Variants in BCAP29 observed in about 807,000 individuals in gnomAD.
BCAP29 encodes B cell receptor associated protein 29.
BCAP29 carries 34 observed loss-of-function variants against 31.8 expected under a neutral mutation model. The observed-to-expected ratio is 1.07, with a 90% confidence interval of 0.81 to 1.42. The LOEUF is 1.42. Ranked by LOEUF, BCAP29 falls within the 40% of genes most tolerant of loss-of-function variation. The pLI is 0.00. For missense variants in BCAP29, 314 were observed against 269.2 expected, an observed-to-expected ratio of 1.17 and a Z score of -1.16; for synonymous variants, 104 against 91.3, an observed-to-expected ratio of 1.14 and a Z score of -0.79.
At chr7:107,603,527 A>G (rs1375536067) in intron 6 of BCAP29, 3 of 151,486 alleles carry the variant, frequency 2.0e-5, no homozygotes, top group Non-Finnish European at 4.4e-5. Flanking sequence ...GAAAACAGTA[A>G]TTGGGGGAAA....
At chr7:107,602,537 T>A (rs1811345383) in intron 6 of BCAP29, among the ~76,000 whole-genome samples, 1 of 152,130 alleles carries the variant, frequency 6.6e-6, no homozygotes, top group South Asian at 2.1e-4. Context: ...GATCTTACAT[T>A]TGAAAATTGA....
chr7:107,590,776 A>G (rs900774132), intron 3 of BCAP29, among the ~76,000 whole-genome samples: 3 of 151,586 alleles, frequency 2.0e-5, no homozygotes, highest in Admixed American at 1.3e-4. Context: ...ACGTGATCAC[A>G]TCACTGCACT....
intron 6 of BCAP29, among the ~76,000 whole-genome samples, chr7:107,608,833 A>G (rs921488486): frequency 3.3e-5 from 5 of 152,230 alleles, no homozygotes; most frequent in Non-Finnish European, 7.3e-5. Flanking sequence ...TTCCAAGTGA[A>G]CTGTTTACAC....
chr7:107,606,153 T>C (rs918495736), intron 6 of BCAP29, among the ~76,000 whole-genome samples: 1 of 152,222 alleles, frequency 6.6e-6, no homozygotes, highest in African/African-American at 2.4e-5. Flanking sequence ...CCCTAAATAT[T>C]AGAAGCTGTT....
chr7:107,608,791 A>G (rs574678713), intron 6 of BCAP29, among the ~76,000 whole-genome samples: 1 of 152,338 alleles, frequency 6.6e-6, no homozygotes, highest in Admixed American at 6.5e-5. Context: ...GACTAAAGTA[A>G]CACTTTGTAT....
At chr7:107,600,375 C>T in intron 5 of BCAP29, 22 bp from the exon 6 acceptor site, 1 of 1,421,712 alleles carries the variant, frequency 7.0e-7, no homozygotes, top group Admixed American at 1.7e-5. Flanking sequence ...CTTATTTCTT[C>T]CTGTATCTCC....
chr7:107,618,099 T>C (rs1257886321), intron 7 of BCAP29, among the ~76,000 whole-genome samples: 2 of 152,104 alleles, frequency 1.3e-5, no homozygotes, highest in Non-Finnish European at 2.9e-5. Context: ...AAAAGCAAAA[T>C]AGATTAAGGC....
chr7:107,605,536 C>T (rs1811932434), intron 6 of BCAP29, among the ~76,000 whole-genome samples: 1 of 152,064 alleles, frequency 6.6e-6, no homozygotes, highest in Non-Finnish European at 1.5e-5. Flanking sequence ...TGTTGATGGA[C>T]ATAGAATGGC....
chr7:107,622,797 G>A (rs1056599132), downstream of BCAP29: 3 of 152,186 alleles, frequency 2.0e-5, no homozygotes, highest in African/African-American at 4.8e-5. Flanking sequence ...GCACAGGACT[G>A]GAACAAAGAA....
intron 3 of BCAP29, among the ~76,000 whole-genome samples, chr7:107,584,595 C>G (rs1020097585): frequency 6.6e-6 from 1 of 151,998 alleles, no homozygotes; most frequent in African/African-American, 2.4e-5. Flanking sequence ...ATAGTCCCAG[C>G]TACTCGGGAG....
Position 107,618,574 on chromosome 7 carries a change from T to G in BCAP29, c.*211T>G. ...TGTATTCCAGCTCTTAAGAAAAATATAAGCATGTTAAATACCATATTTACA... is the reference window on the plus strand; with the variant it reads ...TGTATTCCAGCTCTTAAGAAAAATAGAAGCATGTTAAATACCATATTTACA... On this transcript the variant is annotated 3_prime_UTR_variant, in exon 8 of 8. Coordinates refer to ENST00000005259, the MANE Select transcript of BCAP29 (RefSeq NM_018844.4). 6.3e-7 allele frequency: 1 copy of G among 1,595,000 alleles called. No individual in the cohort carries two copies. Among genetic ancestry groups the G allele is most frequent in the Non-Finnish European group, 8.6e-7 (1 of 1,164,752 alleles).
intron 1 of BCAP29, 89 bp from the exon 2 acceptor site, chr7:107,580,670 A>AGGGGATGGACAGTGTTCCACCT: frequency 1.2e-6 from 1 of 847,438 alleles, no homozygotes. Flanking sequence ...AACACTGTCC[A>AGGGGATGGACAGTGTTCCACCT]TCCCCTGGAC....
chr7:107,593,276 A>G (rs1809208431), intron 3 of BCAP29, among the ~76,000 whole-genome samples: 1 of 152,182 alleles, frequency 6.6e-6, no homozygotes, highest in South Asian at 2.1e-4. Context: ...TCCAGGAACT[A>G]AGAATGCACT....
intron 3 of BCAP29, among the ~76,000 whole-genome samples, chr7:107,584,590 C>G (rs1807295697): frequency 6.6e-6 from 1 of 151,982 alleles, no homozygotes; most frequent in South Asian, 2.1e-4. Flanking sequence ...CACCCATAGT[C>G]CCAGCTACTC....
At chr7:107,606,171 C>T (rs180859517) in intron 6 of BCAP29, among the ~76,000 whole-genome samples, 3 of 152,224 alleles carry the variant, frequency 2.0e-5, no homozygotes, top group Non-Finnish European at 2.9e-5. Flanking sequence ...GTTCATATAG[C>T]TTTTGCTAAG....
At chr7:107,613,454 T>C in intron 7 of BCAP29, 22 bp downstream of exon 7, 3 of 1,526,144 alleles carry the variant, frequency 2.0e-6, no homozygotes, top group South Asian at 2.3e-5. Flanking sequence ...ATGCACTTTA[T>C]GCACCTAAAT....
At chr7:107,609,427 TA>T (rs1812738872) in intron 6 of BCAP29, among the ~76,000 whole-genome samples, 1 of 152,182 alleles carries the variant, frequency 6.6e-6, no homozygotes, top group Admixed American at 6.5e-5. Flanking sequence ...ATCCACTTAA[TA>T]ATCTAATCTG....
rs528434889 is a variant in BCAP29 at position 107,589,601 on chromosome 7, C to G, written c.194-4354C>G. Reference sequence around the variant, plus strand: ...TGCTCACTGGCCTGCCAATCACCTCCTGCTGTGCAGCCCAATTCCTGACAG... The same window carrying G: ...TGCTCACTGGCCTGCCAATCACCTCGTGCTGTGCAGCCCAATTCCTGACAG... On this transcript the variant is annotated intron_variant, in intron 3 of 7. Transcript: ENST00000005259. Among the ~76,000 whole-genome samples the G allele has an allele frequency of 5.9e-5, 9 of 152,360 alleles. No homozygotes were observed. The South Asian group carries it at 1.7e-3, about 28-fold the overall frequency.
chr7:107,608,814 A>G (rs1425469580), intron 6 of BCAP29, among the ~76,000 whole-genome samples: 1 of 152,204 alleles, frequency 6.6e-6, no homozygotes, highest in Non-Finnish European at 1.5e-5. Flanking sequence ...TTCACCTGAC[A>G]TTTATCATTT....
Sources: allele counts gnomAD v4.1 joint callset (sites outside exome capture counted in the v4.1 genomes callset), GRCh38; gene constraint gnomAD v4.1.1; transcripts MANE v1.5; gene names NCBI Gene and HGNC (gene_info 2026-07-23, HGNC 2026-07-21).